Variants in LRCH1 observed in about 807,000 individuals in gnomAD.
LRCH1 encodes the protein leucine rich repeats and calponin homology domain containing 1, also known as leucine-rich repeat and calponin homology domain-containing protein 1.
In LRCH1, 23 loss-of-function variants were observed where a neutral mutation model predicts 94.9. The ratio of observed to expected loss-of-function variants is 0.24; its 90% CI spans 0.17 to 0.34. LRCH1 has a LOEUF of 0.34. Among genes scored for constraint, LRCH1 ranks in the 10% least tolerant of loss-of-function variants. The pLI, the probability that LRCH1 is intolerant of heterozygous loss-of-function variation, is 1.00. For synonymous variants in LRCH1, 364 were observed against 354.9 expected, an observed-to-expected ratio of 1.03 and a Z score of -0.29; for missense variants, 790 against 945.9, an observed-to-expected ratio of 0.84 and a Z score of 2.16.
At chr13:46,728,195 G>T (rs892587646) in intron 17 of LRCH1, among the ~76,000 whole-genome samples, 2 of 151,892 alleles carry the variant, frequency 1.3e-5, no homozygotes, top group Non-Finnish European at 2.9e-5. Flanking sequence ...GGGGTTACAG[G>T]TGTGAGCCAC....
intron 2 of LRCH1, among the ~76,000 whole-genome samples, chr13:46,656,076 G>A (rs1022365410): frequency 3.9e-5 from 6 of 152,186 alleles, no homozygotes; most frequent in Admixed American, 6.5e-5. Flanking sequence ...TGAACAATGT[G>A]CAGAAAGAGC....
chr13:46,728,473 C>T (rs1277637006), intron 17 of LRCH1, among the ~76,000 whole-genome samples: 1 of 152,208 alleles, frequency 6.6e-6, no homozygotes, highest in African/African-American at 2.4e-5. Flanking sequence ...ACCTCGGCCT[C>T]CCAAAGTGCT....
At position 46,741,984 on chromosome 13, in the gene LRCH1, A is replaced by T; in HGVS notation, c.*136A>T. On this transcript the variant is annotated 3_prime_UTR_variant, in exon 20 of 20. Coordinates refer to ENST00000389797, the MANE Select transcript of LRCH1 (RefSeq NM_001164211.2). ...TATCTCTCGAGTTTTGAAGCTGAAC[A>T]GTAGCAAATCAGATTTTCCAGAAGC... is the stretch of plus-strand genomic sequence containing the variant. 1 of 1,514,566 alleles carries T rather than the reference A, an allele frequency of 6.6e-7. No individual in the cohort carries two copies. Among genetic ancestry groups the T allele is most frequent in the African/African-American group, 1.4e-5 (1 of 72,028 alleles). 93.8% of individuals were successfully genotyped at this position (1,514,566 alleles called of 1,614,324 possible). A position where few individuals can be genotyped will look rare whatever the true frequency, so the allele number is the denominator to read the frequency against.
At chr13:46,633,550 C>G (rs1461534022) in intron 1 of LRCH1, among the ~76,000 whole-genome samples, 1 of 152,198 alleles carries the variant, frequency 6.6e-6, no homozygotes, top group African/African-American at 2.4e-5. Flanking sequence ...TAGAGCCAAG[C>G]CTTCACGTTT....
At chr13:46,560,996 A>G (rs543622800) in intron 1 of LRCH1, among the ~76,000 whole-genome samples, 17 of 152,342 alleles carry the variant, frequency 1.1e-4, no homozygotes, top group Admixed American at 3.3e-4. Flanking sequence ...TACTCCAGCC[A>G]TGCAATAGAA....
intron 2 of LRCH1, among the ~76,000 whole-genome samples, chr13:46,655,881 G>C (rs929623407): frequency 8.5e-5 from 13 of 152,184 alleles, no homozygotes; most frequent in African/African-American, 3.1e-4. Context: ...CTTTTCTAGG[G>C]TGAAATACAC....
chr13:46,668,172 G>A (rs2051546417), intron 2 of LRCH1, among the ~76,000 whole-genome samples: 1 of 152,110 alleles, frequency 6.6e-6, no homozygotes, highest in Non-Finnish European at 1.5e-5. Flanking sequence ...GGAGGAGATT[G>A]AAATAAATGG....
chr13:46,553,281 A>G lies in LRCH1; in HGVS notation c.-116A>G. The stretch of plus-strand genomic sequence containing the variant: ...GCCCACACCCTCCTCCCCTCCTTCC[A>G]GCGCCTTTCGGTGGAGCACTGCGGC... On this transcript the variant is annotated 5_prime_UTR_variant, in exon 1 of 20. Transcript: ENST00000389797. The G allele has an allele frequency of 2.0e-6, 1 of 508,832 alleles. No homozygotes were observed. Among genetic ancestry groups the G allele is most frequent in the Non-Finnish European group, 3.0e-6 (1 of 330,362 alleles). The allele number at this position is 508,832 out of a possible 1,614,324, so 31.5% of individuals were successfully genotyped here. A position where few individuals can be genotyped will look rare whatever the true frequency, so the allele number is the denominator to read the frequency against.
At position 46,553,274 on chromosome 13, in the gene LRCH1, T is replaced by G. The variant is rs1594237984; in HGVS notation, c.-123T>G. The G allele has an allele frequency of 3.2e-6, 1 of 315,900 alleles. No homozygotes were observed. Among genetic ancestry groups the G allele is most frequent in the East Asian group, 1.1e-4 (1 of 9,024 alleles). The allele number at this position is 315,900 out of a possible 1,614,324, so 19.6% of individuals were successfully genotyped here. On this transcript the variant is annotated 5_prime_UTR_variant, in exon 1 of 20. Transcript: ENST00000389797. ...CGCGCCTGCCCACACCCTCCTCCCC[T>G]CCTTCCAGCGCCTTTCGGTGGAGCA...
chr13:46,728,081 T>C (rs1369596296), intron 17 of LRCH1, among the ~76,000 whole-genome samples: 1 of 151,896 alleles, frequency 6.6e-6, no homozygotes, highest in Non-Finnish European at 1.5e-5. Flanking sequence ...CACGCCCAGC[T>C]AATTTTTTGT....
chr13:46,651,145 G>A (rs887196912), intron 2 of LRCH1, among the ~76,000 whole-genome samples: 1 of 152,150 alleles, frequency 6.6e-6, no homozygotes, highest in Non-Finnish European at 1.5e-5. Context: ...GTGAATACAA[G>A]ATCCCCAATT....
At chr13:46,620,634 A>C (rs2138022620) in intron 1 of LRCH1, among the ~76,000 whole-genome samples, 1 of 152,316 alleles carries the variant, frequency 6.6e-6, no homozygotes, top group South Asian at 2.1e-4. Context: ...TATGATCTGA[A>C]ACATTTTTCT....
chr13:46,706,762 T>TAA (rs35190149), intron 13 of LRCH1, among the ~76,000 whole-genome samples: 101,802 of 151,754 alleles, frequency 0.67, 34,360 homozygotes, highest in East Asian at 0.77. Context: ...ATAAAAGTTG[T>TAA]AAAAATTTGC....
At chr13:46,646,135 G>A in intron 1 of LRCH1, among the ~76,000 whole-genome samples, 1 of 152,172 alleles carries the variant, frequency 6.6e-6, no homozygotes, top group East Asian at 1.9e-4. Flanking sequence ...TTCGTGAAAG[G>A]AGTGTTGCTT....
At chr13:46,717,090 C>A (rs936262445) in intron 16 of LRCH1, among the ~76,000 whole-genome samples, 1 of 151,534 alleles carries the variant, frequency 6.6e-6, no homozygotes. Context: ...AATTAGTCTT[C>A]TTATGTAGCA....
chr13:46,688,431 G>C (rs1870730958), intron 6 of LRCH1, among the ~76,000 whole-genome samples: 1 of 152,188 alleles, frequency 6.6e-6, no homozygotes, highest in Non-Finnish European at 1.5e-5. Flanking sequence ...TAAAAATGCA[G>C]TATGTGTAGT....
intron 1 of LRCH1, among the ~76,000 whole-genome samples, chr13:46,587,261 G>T (rs1298473021): frequency 6.6e-6 from 1 of 152,126 alleles, no homozygotes; most frequent in African/African-American, 2.4e-5. Context: ...TGTATATGTG[G>T]CACACTTTCT....
At position 46,708,954 on chromosome 13, in the gene LRCH1, G is replaced by T. The variant is rs113659595; in HGVS notation, c.1528-2837G>T. ...AGTAGTTCGTGAGGATTCCTGGAAG[G>T]GAGGGAAGAAGAGAGGGAGAGAGAT... On this transcript the variant is annotated intron_variant, in intron 13 of 19. Transcript: ENST00000389797. Among the ~76,000 whole-genome samples the T allele has an allele frequency of 1.1e-4, 17 of 152,286 alleles. 1 individual carries two copies. The highest frequency in any genetic ancestry group is 3.4e-4 in the African/African-American group (14 of 41,550).
intron 15 of LRCH1, among the ~76,000 whole-genome samples, chr13:46,715,146 T>C (rs1484862875): frequency 6.6e-6 from 1 of 152,230 alleles, no homozygotes; most frequent in East Asian, 1.9e-4. Flanking sequence ...TCACCAATTT[T>C]TTTGTGTGTG....
Sources: gnomAD v4.1 joint callset for allele counts (sites outside exome capture counted in the v4.1 genomes callset) on GRCh38, gnomAD v4.1.1 for gene constraint, MANE v1.5 for transcripts, NCBI Gene and HGNC (gene_info 2026-07-23, HGNC 2026-07-21) for gene names.